The following CENPW variants were observed in gnomAD, a reference collection of about 807,000 sequenced individuals.
The protein encoded by CENPW is centromere protein W.
In CENPW, 3 loss-of-function variants were observed where a neutral mutation model predicts 11.1. The observed-to-expected ratio is 0.27, with a 90% CI of 0.12 to 0.70. CENPW has a LOEUF of 0.70. Ranked by LOEUF, CENPW falls within the 30% of genes least tolerant of loss-of-function variation. The probability of loss-of-function intolerance (pLI) is 0.77; values close to 1 mark genes in which losing one functional copy is unlikely to be tolerated. For synonymous variants in CENPW, 38 were observed against 42.0 expected (o/e 0.91, Z 0.37); for missense variants, 100 against 105.6 (o/e 0.95, Z 0.23).
At chr6:126,408,549 G>A in the CENPW span, among the ~76,000 whole-genome samples, 1 of 151,688 alleles carries the variant, frequency 6.6e-6, no homozygotes, top group African/African-American at 2.4e-5. Context: ...ATTTGGGTGG[G>A]GACACAACCA....
chr6:126,478,352 A>G, the CENPW span, among the ~76,000 whole-genome samples: 2 of 151,778 alleles, frequency 1.3e-5, no homozygotes, highest in Non-Finnish European at 2.9e-5. Flanking sequence ...CTGGAAAAAA[A>G]TTCTAGGTCT....
rs1780283237 is a variant in CENPW at position 126,340,526 on chromosome 6, C to T, written c.126+127C>T. Reference sequence around the variant, plus strand: ...TTCAGGCCCCTGTTTAAGGCAGTTCCAACAATGACAGGGAACGTATGCCCC... The same window carrying T: ...TTCAGGCCCCTGTTTAAGGCAGTTCTAACAATGACAGGGAACGTATGCCCC... On this transcript the variant is annotated intron_variant, in intron 1 of 2. Coordinates refer to ENST00000368328, the MANE Select transcript of CENPW (RefSeq NM_001012507.4). 18 of 1,353,834 alleles carry T rather than the reference C, an allele frequency of 1.3e-5. 1 individual carries two copies. The South Asian group carries it at 2.2e-4, about 16-fold the overall frequency. The allele number at this position is 1,353,834 out of a possible 1,614,324, so 83.9% of individuals were successfully genotyped here. A position where few individuals can be genotyped will look rare whatever the true frequency, so the allele number is the denominator to read the frequency against.
At chr6:126,473,351 T>C in the CENPW span, among the ~76,000 whole-genome samples, 4 of 152,186 alleles carry the variant, frequency 2.6e-5, no homozygotes, top group Admixed American at 2.6e-4. Context: ...CTTTCTTCCA[T>C]AGTGAATTTG....
At chr6:126,463,404 C>T in the CENPW span, among the ~76,000 whole-genome samples, 1 of 151,736 alleles carries the variant, frequency 6.6e-6, no homozygotes, top group Non-Finnish European at 1.5e-5. Context: ...TGTTTTTTCC[C>T]ATCTTAAGGA....
At chr6:126,384,015 A>T in the CENPW span, among the ~76,000 whole-genome samples, 1 of 152,162 alleles carries the variant, frequency 6.6e-6, no homozygotes, top group African/African-American at 2.4e-5. Flanking sequence ...AACAATCCTC[A>T]GCAAATGCAG....
the CENPW span, among the ~76,000 whole-genome samples, chr6:126,481,818 A>G: frequency 6.6e-6 from 1 of 152,264 alleles, no homozygotes; most frequent in East Asian, 1.9e-4. Context: ...TGTTCATTCA[A>G]TCTTACTATA....
At chr6:126,468,891 C>A in the CENPW span, among the ~76,000 whole-genome samples, 1 of 152,090 alleles carries the variant, frequency 6.6e-6, no homozygotes, top group African/African-American at 2.4e-5. Flanking sequence ...GCAACCTCCA[C>A]CTCCTGGGTT....
chr6:126,388,842 C>G, the CENPW span, among the ~76,000 whole-genome samples: 1 of 151,778 alleles, frequency 6.6e-6, no homozygotes, highest in Non-Finnish European at 1.5e-5. Context: ...TTTTAAGCTT[C>G]TTGAGGGTAG....
At chr6:126,407,447 C>A in the CENPW span, among the ~76,000 whole-genome samples, 1 of 152,048 alleles carries the variant, frequency 6.6e-6, no homozygotes, top group Admixed American at 6.6e-5. Flanking sequence ...TGGGTATATA[C>A]CCAGTAATGG....
At chr6:126,443,163 T>G in the CENPW span, among the ~76,000 whole-genome samples, 1 of 150,824 alleles carries the variant, frequency 6.6e-6, no homozygotes, top group African/African-American at 2.4e-5. Context: ...GCTTCATAAA[T>G]TTTTTTAAGA....
the CENPW span, among the ~76,000 whole-genome samples, chr6:126,472,787 A>G: frequency 6.6e-6 from 1 of 152,194 alleles, no homozygotes; most frequent in African/African-American, 2.4e-5. Flanking sequence ...CAGTTCCTCC[A>G]CATCCTTGCC....
the CENPW span, among the ~76,000 whole-genome samples, chr6:126,467,631 T>A: frequency 1.3e-5 from 2 of 152,104 alleles, no homozygotes; most frequent in Non-Finnish European, 2.9e-5. Flanking sequence ...TATAAATGAT[T>A]GAATAAATAA....
chr6:126,480,215 T>C, the CENPW span, among the ~76,000 whole-genome samples: 1 of 152,008 alleles, frequency 6.6e-6, no homozygotes, highest in Non-Finnish European at 1.5e-5. Context: ...ATAGGAATAA[T>C]GTTAATATAA....
chr6:126,393,609 T>A, the CENPW span, among the ~76,000 whole-genome samples: 19 of 151,694 alleles, frequency 1.3e-4, no homozygotes, highest in East Asian at 3.5e-3. Context: ...TCTTATTAAT[T>A]TGTAGTTTTA....
At chr6:126,475,888 AGACCTTAG>A in the CENPW span, among the ~76,000 whole-genome samples, 1 of 152,046 alleles carries the variant, frequency 6.6e-6, no homozygotes, top group African/African-American at 2.4e-5. Context: ...GAGCTAAAAA[AGACCTTAG>A]AAATTATCGA....
At chr6:126,419,790 T>C in the CENPW span, among the ~76,000 whole-genome samples, 2 of 152,182 alleles carry the variant, frequency 1.3e-5, no homozygotes, top group African/African-American at 2.4e-5. Context: ...TTCCAACTTA[T>C]GCCCTCATCA....
the CENPW span, among the ~76,000 whole-genome samples, chr6:126,463,572 C>G: frequency 4.0e-5 from 6 of 151,396 alleles, no homozygotes; most frequent in Non-Finnish European, 5.9e-5. Flanking sequence ...TCAAACTGAT[C>G]AGGAAAAAAA....
chr6:126,343,264 A>G (rs879611574), intron 1 of CENPW, among the ~76,000 whole-genome samples: 1 of 152,242 alleles, frequency 6.6e-6, no homozygotes, highest in Non-Finnish European at 1.5e-5. Context: ...TGTTCTGACC[A>G]TTTTAATATA....
At chr6:126,438,756 A>T in the CENPW span, among the ~76,000 whole-genome samples, 1 of 151,840 alleles carries the variant, frequency 6.6e-6, no homozygotes, top group East Asian at 1.9e-4. Flanking sequence ...AGGGGAAAAG[A>T]TTATAATTTT....
Sources: allele counts gnomAD v4.1 joint callset (sites outside exome capture counted in the v4.1 genomes callset), GRCh38; gene constraint gnomAD v4.1.1; transcripts MANE v1.5; gene names NCBI Gene and HGNC (gene_info 2026-07-23, HGNC 2026-07-21).